Variants in RFX7 observed in about 807,000 individuals in gnomAD.
RFX7 encodes the protein regulatory factor X7.
In RFX7, 26 loss-of-function variants were observed where a neutral mutation model predicts 111.8. That is an observed-to-expected ratio of 0.23 (90% CI 0.17 to 0.32). RFX7 has a LOEUF of 0.32. RFX7 is among the 10% of genes least tolerant of loss of function. The probability of loss-of-function intolerance (pLI) is 1.00; values close to 1 mark genes in which losing one functional copy is unlikely to be tolerated. For synonymous variants in RFX7, 624 were observed against 624.4 expected, an observed-to-expected ratio of 1.00 and a Z score of 0.01; for missense variants, 1,573 against 1,772.9, an observed-to-expected ratio of 0.89 and a Z score of 2.02.
At chr15:56,232,399 G>A (rs937910076) in intron 2 of RFX7, among the ~76,000 whole-genome samples, 9 of 152,202 alleles carry the variant, frequency 5.9e-5, no homozygotes, top group East Asian at 1.9e-4. Flanking sequence ...AAAGAGCAGG[G>A]AGGCCCTGGG....
chr15:56,117,032 G>T (rs2042017981), intron 5 of RFX7, among the ~76,000 whole-genome samples: 1 of 152,186 alleles, frequency 6.6e-6, no homozygotes, highest in Admixed American at 6.5e-5. Context: ...TAAAGAGAGT[G>T]AGTGTAAGAG....
intron 2 of RFX7, among the ~76,000 whole-genome samples, chr15:56,198,152 C>A (rs2043162255): frequency 6.6e-6 from 1 of 152,090 alleles, no homozygotes; most frequent in Non-Finnish European, 1.5e-5. Flanking sequence ...TGCTGCTATT[C>A]AGAATAGTCA....
intron 5 of RFX7, among the ~76,000 whole-genome samples, chr15:56,116,916 A>T (rs1308189557): frequency 2.0e-5 from 3 of 151,456 alleles, no homozygotes; most frequent in Non-Finnish European, 1.5e-5. Context: ...GATAAAAAAT[A>T]TAGTATATTG....
chr15:56,212,413 G>C lies in RFX7; in HGVS notation c.161+30712C>G, dbSNP rs374477290. On this transcript the variant is annotated intron_variant, in intron 2 of 9. Transcript: ENST00000559447. ...TTAGGGTAGTAAGCCTACTCTTTATGATACTTTAATGGTGGATACATGTCA... is the reference window on the plus strand; with the variant it reads ...TTAGGGTAGTAAGCCTACTCTTTATCATACTTTAATGGTGGATACATGTCA... Among the ~76,000 whole-genome samples, 84 of 152,186 alleles carry C rather than the reference G, an allele frequency of 5.5e-4. 2 individuals carry two copies. The South Asian group carries it at 0.017, about 32-fold the overall frequency.
chr15:56,235,890 A>G (rs2043617859), intron 2 of RFX7, among the ~76,000 whole-genome samples: 1 of 152,218 alleles, frequency 6.6e-6, no homozygotes, highest in Admixed American at 6.5e-5. Context: ...TATTTCAGAT[A>G]AGGCTATTTG....
At chr15:56,162,252 A>G (rs1423747678) in intron 3 of RFX7, among the ~76,000 whole-genome samples, 1 of 152,074 alleles carries the variant, frequency 6.6e-6, no homozygotes, top group African/African-American at 2.4e-5. Flanking sequence ...TAGGCCATTG[A>G]GAGGAAAAGT....
chr15:56,230,234 T>C (rs1180985738), intron 2 of RFX7, among the ~76,000 whole-genome samples: 1 of 152,204 alleles, frequency 6.6e-6, no homozygotes, highest in African/African-American at 2.4e-5. Flanking sequence ...TGTTGTATAC[T>C]CAGTCACGAA....
intron 5 of RFX7, among the ~76,000 whole-genome samples, chr15:56,134,836 TC>T (rs1274117851): frequency 1.6e-4 from 25 of 152,108 alleles, no homozygotes; most frequent in African/African-American, 5.6e-4. Flanking sequence ...CATTGTTCAA[TC>T]CCCACCTATG....
intron 5 of RFX7, among the ~76,000 whole-genome samples, chr15:56,139,236 A>G (rs1194299596): frequency 2.7e-5 from 4 of 150,924 alleles, no homozygotes; most frequent in South Asian, 4.2e-4. Context: ...CATTCTCCCC[A>G]TCACTTTCAG....
Position 56,111,331 on chromosome 15 carries a change from T to C in RFX7, c.402-7661A>G, listed in dbSNP as rs1247695765. 1.3e-5 allele frequency among the ~76,000 whole-genome samples: 2 copies of C among 152,196 alleles called. 1 individual carries two copies. On this transcript the variant is annotated intron_variant, in intron 5 of 9. Transcript: ENST00000559447. The stretch of plus-strand genomic sequence containing the variant: ...AAAATTCTTCTTCCTTGGGATCCTG[T>C]TGATCTGTGACCTTACCCCCAACCC...
At position 56,093,191 on chromosome 15, in the gene RFX7, G is replaced by T; in HGVS notation, c.*154C>A. 3.1e-6 allele frequency: 2 copies of T among 650,346 alleles called. No homozygotes were observed. Among genetic ancestry groups the T allele is most frequent in the Non-Finnish European group, 5.1e-6 (2 of 391,472 alleles). 40.3% of individuals were successfully genotyped at this position (650,346 alleles called of 1,614,324 possible). On this transcript the variant is annotated 3_prime_UTR_variant, in exon 10 of 10. Transcript: ENST00000559447. ...AGACACTTGTTAAGAACTGAGGCAA[G>T]TCTAACCATTTCCTACTGAAGAAAC...
At chr15:56,127,747 C>T (rs1302070881) in intron 5 of RFX7, among the ~76,000 whole-genome samples, 6 of 151,644 alleles carry the variant, frequency 4.0e-5, no homozygotes, top group African/African-American at 9.7e-5. Flanking sequence ...GGGGTTTCAC[C>T]GTGTTAGCCA....
chr15:56,230,038 T>G (rs1425992458), intron 2 of RFX7, among the ~76,000 whole-genome samples: 1 of 152,116 alleles, frequency 6.6e-6, no homozygotes, highest in Non-Finnish European at 1.5e-5. Flanking sequence ...TGGCCATAAC[T>G]CAAACAAGTT....
chr15:56,215,240 A>C (rs72738674), intron 2 of RFX7, among the ~76,000 whole-genome samples: 19,835 of 152,202 alleles, frequency 0.13, 1,692 homozygotes, highest in East Asian at 0.44. Flanking sequence ...ATGTTTTTAA[A>C]ATCTGTATTA....
intron 2 of RFX7, among the ~76,000 whole-genome samples, chr15:56,238,188 G>A (rs745799867): frequency 7.2e-5 from 11 of 152,038 alleles, no homozygotes; most frequent in Non-Finnish European, 1.2e-4. Flanking sequence ...CTAGGATGGC[G>A]GACTGTAATC....
At chr15:56,106,660 A>G (rs2041834165) in intron 5 of RFX7, among the ~76,000 whole-genome samples, 2 of 152,064 alleles carry the variant, frequency 1.3e-5, no homozygotes, top group African/African-American at 2.4e-5. Context: ...GCCTTATCCA[A>G]TTTCTAGTGG....
chr15:56,130,546 C>T (rs1334867957), intron 5 of RFX7, among the ~76,000 whole-genome samples: 1 of 151,606 alleles, frequency 6.6e-6, no homozygotes, highest in Non-Finnish European at 1.5e-5. Flanking sequence ...ACAGCCAAAA[C>T]TATAATGAGA....
At chr15:56,102,669 G>A (rs143848896) in intron 6 of RFX7, among the ~76,000 whole-genome samples, 1 of 152,120 alleles carries the variant, frequency 6.6e-6, no homozygotes. Flanking sequence ...TAACCTTTTC[G>A]TTTCTCTTTT....
At chr15:56,144,090 A>C (rs936801459) in intron 4 of RFX7, among the ~76,000 whole-genome samples, 1 of 152,126 alleles carries the variant, frequency 6.6e-6, no homozygotes, top group Non-Finnish European at 1.5e-5. Flanking sequence ...TTATCTGTTT[A>C]TTCTTTGGTT....
Sources: gnomAD v4.1 joint callset for allele counts (sites outside exome capture counted in the v4.1 genomes callset) on GRCh38, gnomAD v4.1.1 for gene constraint, MANE v1.5 for transcripts, NCBI Gene and HGNC (gene_info 2026-07-23, HGNC 2026-07-21) for gene names.